NUP214: variants seen among roughly 807,000 people sequenced by gnomAD.
NUP214 encodes nuclear pore complex protein Nup214.
Under a neutral mutation model 196.2 loss-of-function variants are expected in NUP214, and 79 were observed. The observed-to-expected ratio is 0.40, with a 90% CI of 0.34 to 0.49. NUP214 has a LOEUF of 0.49. Among genes scored for constraint, NUP214 ranks in the 20% least tolerant of loss-of-function variants. The pLI, the probability that NUP214 is intolerant of heterozygous loss-of-function variation, is 0.58. For synonymous variants in NUP214, 1,020 were observed against 990.5 expected, an observed-to-expected ratio of 1.03 and a Z score of -0.56; for missense variants, 2,468 against 2,539.0, an observed-to-expected ratio of 0.97 and a Z score of 0.60.
intron 16 of NUP214, among the ~76,000 whole-genome samples, chr9:131,151,079 A>G (rs1832245485): frequency 6.6e-6 from 1 of 152,202 alleles, no homozygotes; most frequent in Non-Finnish European, 1.5e-5. Context: ...AATTTAATTT[A>G]GGTTTATTTG....
At position 131,197,958 on chromosome 9, in the gene NUP214, C is replaced by T. The variant is rs762596880; in HGVS notation, c.4464C>T (p.Ser1488=). 10 of 1,614,048 alleles carry T rather than the reference C, an allele frequency of 6.2e-6. No homozygotes were observed. Among genetic ancestry groups the T allele is most frequent in the Non-Finnish European group, 8.5e-6 (10 of 1,180,026 alleles). The change falls in exon 29 of 36, where the codon TCC becomes TCT. Residue 1488 remains serine (S), a synonymous_variant. Coordinates refer to ENST00000359428, the MANE Select transcript of NUP214 (RefSeq NM_005085.4). ...CAACTACCCCCTCCCTGCCTATGTC[C>T]GCTGGCAGAAGCACAGAAGAGGCCA... ...SSATTPSLPM[S]AGRSTEEATS...
chr9:131,140,781 A>T, intron 11 of NUP214, 71 bp downstream of exon 11: 1 of 1,450,316 alleles, frequency 6.9e-7, no homozygotes, highest in Non-Finnish European at 9.5e-7. Flanking sequence ...CCAAGAATGA[A>T]CATGGTGTGA....
chr9:131,133,305 T>TTTG (rs1491464700), intron 7 of NUP214, 96 bp downstream of exon 7: 7 of 140,470 alleles, frequency 5.0e-5, no homozygotes. Flanking sequence ...TGTGTTTGTG[T>TTTG]TTTTTTTTTT....
At chr9:131,185,838 AG>A (rs1833436529) in intron 24 of NUP214, among the ~76,000 whole-genome samples, 1 of 152,212 alleles carries the variant, frequency 6.6e-6, no homozygotes, top group Non-Finnish European at 1.5e-5. Flanking sequence ...GATACTCAGG[AG>A]ATACATAGAA....
chr9:131,183,030 T>C (rs549121692), intron 24 of NUP214, among the ~76,000 whole-genome samples: 1 of 152,342 alleles, frequency 6.6e-6, no homozygotes, highest in African/African-American at 2.4e-5. Flanking sequence ...TTGTGCATTT[T>C]ACTTCCACTG....
intron 17 of NUP214, among the ~76,000 whole-genome samples, chr9:131,154,872 A>G (rs1832389543): frequency 1.3e-5 from 2 of 151,960 alleles, no homozygotes; most frequent in Admixed American, 1.3e-4. Flanking sequence ...TGTGTGTCAC[A>G]TTTTCTTTAT....
intron 33 of NUP214, chr9:131,230,154 T>C (rs909234922): frequency 5.4e-6 from 1 of 185,526 alleles, no homozygotes; most frequent in African/African-American, 2.4e-5. Context: ...GTAGTAATTA[T>C]TGATTCAGGA....
chr9:131,131,814 G>A (rs1170813659), intron 5 of NUP214, among the ~76,000 whole-genome samples: 2 of 151,734 alleles, frequency 1.3e-5, no homozygotes, highest in African/African-American at 2.4e-5. Flanking sequence ...TCAGCCTCCC[G>A]GGTAGCTGAG....
chr9:131,130,872 A>G, intron 5 of NUP214, 36 bp downstream of exon 5: 1 of 1,579,640 alleles, frequency 6.3e-7, no homozygotes, highest in African/African-American at 1.3e-5. Context: ...ATTTTTCTTA[A>G]GTTGCCCACT....
intron 5 of NUP214, among the ~76,000 whole-genome samples, chr9:131,131,373 T>C (rs1831540362): frequency 6.6e-6 from 1 of 152,246 alleles, no homozygotes; most frequent in Non-Finnish European, 1.5e-5. Flanking sequence ...TGTTCACAAA[T>C]ATCCTTCAAT....
In NUP214 at chr9:131,197,364, A is replaced by G; in HGVS notation, c.3870A>G (p.Ala1290=). The change falls in exon 29 of 36, where the codon GCA becomes GCG. Residue 1290 remains alanine (A), a synonymous_variant. Transcript: ENST00000359428. ...ASNTTPGEPA[A]SSSRPVAPSG... ...ACACCACCCCAGGAGAACCTGCCGC[A>G]TCTAGCAGCAGACCTGTGGCACCTT... 1 of 1,614,152 alleles carries G rather than the reference A, an allele frequency of 6.2e-7. No individual in the cohort carries two copies. Among genetic ancestry groups the G allele is most frequent in the Non-Finnish European group, 8.5e-7 (1 of 1,180,028 alleles).
chr9:131,216,137 G>T (rs1244226572), intron 31 of NUP214, among the ~76,000 whole-genome samples: 2 of 151,168 alleles, frequency 1.3e-5, no homozygotes, highest in Non-Finnish European at 2.9e-5. Flanking sequence ...TTCTCCGCCC[G>T]CCTCGGCCTC....
rs758900544 is a variant in NUP214, at chr9:131,215,283, C to T, written c.5664C>T (p.Gly1888=). 1.2e-6 allele frequency: 2 copies of T among 1,609,504 alleles called. No individual in the cohort carries two copies. The highest frequency in any genetic ancestry group is 4.5e-5 in the East Asian group (2 of 44,236). ...GAAGAGGGGGAGGTTTCTTCAGTGG[C>T]CTTGGAGGAAAACCCAGTCAGGATG... ...NTGRGGGFFS[G]LGGKPSQDAA... is the part of the protein sequence containing the mutation. Residue 1888 remains glycine, a synonymous_variant, in exon 31 of 36, where the codon GGC becomes GGT. Coordinates refer to ENST00000359428, the MANE Select transcript of NUP214 (RefSeq NM_005085.4).
In NUP214 at chr9:131,195,214, C is replaced by A; in HGVS notation, c.3660-19C>A. The A allele has an allele frequency of 6.3e-7, 1 of 1,589,716 alleles. No individual in the cohort carries two copies. Among genetic ancestry groups the A allele is most frequent in the Non-Finnish European group, 8.6e-7 (1 of 1,162,928 alleles). Reference sequence around the variant, plus strand: ...GCCTTGGTTTGTTCCTTTTTAATTTCTCTTTTTCCACTTGTTAGGACTGGC... The same window carrying A: ...GCCTTGGTTTGTTCCTTTTTAATTTATCTTTTTCCACTTGTTAGGACTGGC... On this transcript the variant is annotated intron_variant, in intron 27 of 35. Transcript: ENST00000359428.
chr9:131,157,792 C>T (rs1437843690), intron 17 of NUP214, among the ~76,000 whole-genome samples: 2 of 151,410 alleles, frequency 1.3e-5, no homozygotes, highest in Admixed American at 6.6e-5. Context: ...ATTACAGGCG[C>T]GCGCCACCAC....
chr9:131,130,672 A>T, intron 4 of NUP214, 94 bp from the exon 5 acceptor site: 1 of 1,148,126 alleles, frequency 8.7e-7, no homozygotes, highest in African/African-American at 1.5e-5. Context: ...ATGGACTGAC[A>T]GAGGAATGAG....
chr9:131,175,283 ATTTCATGCGAT>A (rs1203485213), intron 22 of NUP214, among the ~76,000 whole-genome samples, 166 bp from the exon 23 acceptor site: 2 of 152,202 alleles, frequency 1.3e-5, no homozygotes, highest in African/African-American at 4.8e-5. Flanking sequence ...GGGTAGGCAA[ATTTCATGCGAT>A]AACTGAAAGA....
rs530637536 is a variant in NUP214, at chr9:131,182,436, A to G, written c.3419+4026A>G. ...GAGCATGAACCCTATTGTGAATTGC[A>G]CATGCAAAGGATCTAGGTTGCATGC... On this transcript the variant is annotated intron_variant, in intron 24 of 35. Coordinates refer to ENST00000359428, the MANE Select transcript of NUP214 (RefSeq NM_005085.4). 3.9e-5 allele frequency among the ~76,000 whole-genome samples: 6 copies of G among 152,366 alleles called. No homozygotes were observed. In the South Asian group the frequency reaches 1.2e-3, roughly 32 times the overall value.
intron 17 of NUP214, among the ~76,000 whole-genome samples, chr9:131,154,936 A>G (rs949036465): frequency 6.6e-6 from 1 of 152,196 alleles, no homozygotes; most frequent in Non-Finnish European, 1.5e-5. Context: ...GCAATTGTGA[A>G]TTGTGCTGCT....
Sources: allele counts gnomAD v4.1 joint callset (sites outside exome capture counted in the v4.1 genomes callset), GRCh38; gene constraint gnomAD v4.1.1; transcripts MANE v1.5; gene names NCBI Gene and HGNC (gene_info 2026-07-23, HGNC 2026-07-21).